The following EIPR1 variants were observed in gnomAD, a reference collection of about 807,000 sequenced individuals.
EIPR1 encodes the protein EARP complex and GARP complex interacting protein 1.
In EIPR1, 25 loss-of-function variants were observed where a neutral mutation model predicts 48.1. The observed-to-expected ratio is 0.52, with a 90% CI of 0.38 to 0.73. The LOEUF is 0.73. EIPR1 is among the 30% of genes least tolerant of loss of function. The pLI, the probability that EIPR1 is intolerant of heterozygous loss-of-function variation, is 0.00. For missense variants in EIPR1, 415 were observed against 506.2 expected, an observed-to-expected ratio of 0.82 and a Z score of 1.73; for synonymous variants, 204 against 201.9, an observed-to-expected ratio of 1.01 and a Z score of -0.09.
chr2:3,352,545 T>G (rs1558315976), intron 2 of EIPR1, among the ~76,000 whole-genome samples: 1 of 152,260 alleles, frequency 6.6e-6, no homozygotes, highest in East Asian at 1.9e-4. Context: ...ATCAACACCT[T>G]ATGGCTTGAT....
intron 5 of EIPR1, among the ~76,000 whole-genome samples, chr2:3,199,860 GGTGACAT>G (rs1664961386): frequency 6.7e-6 from 1 of 149,048 alleles, no homozygotes; most frequent in Non-Finnish European, 1.5e-5. Flanking sequence ...TCTGGGCAGA[GGTGACAT>G]GGGTGTGTCT....
chr2:3,222,920 C>T (rs1017652797), intron 4 of EIPR1, among the ~76,000 whole-genome samples: 7 of 152,136 alleles, frequency 4.6e-5, no homozygotes, highest in African/African-American at 1.4e-4. Flanking sequence ...TAGTGACGGG[C>T]GGTTCCCTAA....
At chr2:3,256,993 G>C (rs1667176330) in intron 4 of EIPR1, among the ~76,000 whole-genome samples, 1 of 152,188 alleles carries the variant, frequency 6.6e-6, no homozygotes, top group African/African-American at 2.4e-5. Flanking sequence ...AAGCTGAAAA[G>C]CCACACAGCG....
intron 1 of EIPR1, among the ~76,000 whole-genome samples, chr2:3,359,604 T>C (rs146468481): frequency 1.4e-4 from 22 of 152,262 alleles, no homozygotes; most frequent in Admixed American, 5.2e-4. Flanking sequence ...AAAATCACAG[T>C]GAAATAAAAA....
At chr2:3,304,813 C>CTCCCATCCAGTTCAGCCCTCCAG (rs1668871177) in intron 3 of EIPR1, among the ~76,000 whole-genome samples, 1 of 105,746 alleles carries the variant, frequency 9.5e-6, no homozygotes, top group Non-Finnish European at 2.1e-5. Context: ...CAGCCCTCCA[C>CTCCCATCCAGTTCAGCCCTCCAG]TCCCGTCCAG....
intron 8 of EIPR1, among the ~76,000 whole-genome samples, 179 bp downstream of exon 8, chr2:3,192,235 C>G (rs1211269535): frequency 1.3e-5 from 2 of 152,230 alleles, no homozygotes; most frequent in Admixed American, 1.3e-4. Context: ...TGCCTCCCAC[C>G]TGGGCTGCTA....
chr2:3,219,531 C>T (rs186610944), intron 4 of EIPR1, among the ~76,000 whole-genome samples: 20 of 151,736 alleles, frequency 1.3e-4, no homozygotes. Context: ...CAGGTGCACA[C>T]CCAACACGGC....
chr2:3,295,879 C>T (rs1668562127), intron 3 of EIPR1, among the ~76,000 whole-genome samples: 1 of 138,184 alleles, frequency 7.2e-6, no homozygotes, highest in East Asian at 2.3e-4. Flanking sequence ...TCTGCACACA[C>T]CCTCCATCCA....
chr2:3,314,362 C>A (rs2103313519), intron 3 of EIPR1, among the ~76,000 whole-genome samples: 1 of 152,310 alleles, frequency 6.6e-6, no homozygotes, highest in East Asian at 1.9e-4. Context: ...GCAGGCTTCA[C>A]AGTCCTAATT....
In EIPR1 at chr2:3,196,940, G is replaced by A. The variant is rs1467651578; in HGVS notation, c.594C>T (p.Cys198=). ...TSGRWSPHHN[C]TQVATANDTT... Reference sequence around the variant, plus strand: ...TGTCGTTCGCTGTGGCCACCTGGGTGCAGTTATGATGTGGGCTCCACCGTC... The same window carrying A: ...TGTCGTTCGCTGTGGCCACCTGGGTACAGTTATGATGTGGGCTCCACCGTC... Residue 198 remains cysteine, a synonymous_variant, in exon 6 of 9, where the codon TGC becomes TGT. Transcript: ENST00000382125. The A allele has an allele frequency of 6.2e-7, 1 of 1,613,972 alleles. No homozygotes were observed. The highest frequency in any genetic ancestry group is 8.5e-7 in the Non-Finnish European group (1 of 1,180,048).
chr2:3,308,346 A>C (rs1669015411), intron 3 of EIPR1, among the ~76,000 whole-genome samples: 1 of 152,242 alleles, frequency 6.6e-6, no homozygotes, highest in South Asian at 2.1e-4. Flanking sequence ...GAAACAAATA[A>C]AGGGAAAAAC....
chr2:3,212,416 TG>T (rs1305265845), intron 5 of EIPR1, among the ~76,000 whole-genome samples: 1 of 152,158 alleles, frequency 6.6e-6, no homozygotes, highest in Non-Finnish European at 1.5e-5. Context: ...CACCAGGAGC[TG>T]GGCCCTCTGC....
At chr2:3,292,699 C>T (rs1668406246) in intron 3 of EIPR1, among the ~76,000 whole-genome samples, 1 of 152,320 alleles carries the variant, frequency 6.6e-6, no homozygotes, top group South Asian at 2.1e-4. Flanking sequence ...ATGTGATGAA[C>T]AGGTGACCAC....
chr2:3,375,137 A>T (rs1659828605), intron 1 of EIPR1, among the ~76,000 whole-genome samples: 1 of 150,940 alleles, frequency 6.6e-6, no homozygotes, highest in Non-Finnish European at 1.5e-5. Context: ...AGGACAAAAA[A>T]CCAAACACTG....
chr2:3,309,093 T>G (rs1669042804), intron 3 of EIPR1, among the ~76,000 whole-genome samples: 1 of 152,224 alleles, frequency 6.6e-6, no homozygotes, highest in African/African-American at 2.4e-5. Context: ...GTAGACATCT[T>G]TCTCCTCGTG....
chr2:3,260,881 T>C (rs1410751050), intron 3 of EIPR1, among the ~76,000 whole-genome samples: 2 of 152,152 alleles, frequency 1.3e-5, no homozygotes, highest in African/African-American at 4.8e-5. Context: ...ATAGCAAGTA[T>C]TGGCAAAGAT....
chr2:3,226,786 T>C (rs1347960877), intron 4 of EIPR1, among the ~76,000 whole-genome samples: 1 of 152,176 alleles, frequency 6.6e-6, no homozygotes, highest in African/African-American at 2.4e-5. Flanking sequence ...GGTGATGGTA[T>C]CATGGGGACA....
At chr2:3,290,278 A>C (rs960346298) in intron 3 of EIPR1, among the ~76,000 whole-genome samples, 1 of 152,246 alleles carries the variant, frequency 6.6e-6, no homozygotes, top group African/African-American at 2.4e-5. Context: ...AGGATGGTGG[A>C]TGCGTAATTA....
At chr2:3,316,234 T>C in intron 3 of EIPR1, among the ~76,000 whole-genome samples, 1 of 140,526 alleles carries the variant, frequency 7.1e-6, no homozygotes, top group Admixed American at 7.0e-5. Flanking sequence ...GCCACCACCA[T>C]TATCATCATC....
Sources: allele counts gnomAD v4.1 joint callset (sites outside exome capture counted in the v4.1 genomes callset), GRCh38; gene constraint gnomAD v4.1.1; transcripts MANE v1.5; gene names NCBI Gene and HGNC (gene_info 2026-07-23, HGNC 2026-07-21).